CTNNA3: variants seen among roughly 807,000 people sequenced by gnomAD.
The protein encoded by CTNNA3 is catenin alpha-3.
A neutral mutation model predicts 95.7 loss-of-function variants in CTNNA3; 76 were observed. The ratio of observed to expected loss-of-function variants is 0.79; its 90% CI spans 0.66 to 0.96. CTNNA3 has a LOEUF of 0.96. Ranked by LOEUF, CTNNA3 falls within the 40% of genes least tolerant of loss-of-function variation. CTNNA3 has a pLI of 0.00. For synonymous variants in CTNNA3, 431 were observed against 374.4 expected (o/e 1.15, Z -1.74); for missense variants, 1,191 against 1,089.8 (o/e 1.09, Z -1.31).
intron 7 of CTNNA3, among the ~76,000 whole-genome samples, chr10:67,001,489 C>G (rs1490647470): frequency 6.6e-6 from 1 of 151,602 alleles, no homozygotes; most frequent in Admixed American, 6.6e-5. Context: ...ATGGGGGGCA[C>G]AGACAGGTGG....
At chr10:66,944,073 G>T (rs921763406) in intron 7 of CTNNA3, among the ~76,000 whole-genome samples, 4 of 152,070 alleles carry the variant, frequency 2.6e-5, no homozygotes, top group Admixed American at 6.6e-5. Flanking sequence ...TGCTGCATTG[G>T]TTGACTCTTT....
intron 14 of CTNNA3, among the ~76,000 whole-genome samples, chr10:66,088,151 C>G (rs1468852726): frequency 1.3e-5 from 2 of 151,716 alleles, no homozygotes; most frequent in East Asian, 3.9e-4. Context: ...GTATGGTAGG[C>G]TTCTTTTTCC....
chr10:66,926,538 A>G (rs1263931840), intron 7 of CTNNA3: 1 of 1,612,458 alleles, frequency 6.2e-7, no homozygotes, highest in African/African-American at 1.3e-5. Context: ...ACTGGCCCCT[A>G]AGCCAAAGCA....
chr10:67,385,599 T>C (rs1228084207), intron 5 of CTNNA3, among the ~76,000 whole-genome samples: 3 of 152,176 alleles, frequency 2.0e-5, no homozygotes, highest in Non-Finnish European at 2.9e-5. Context: ...TTAAAAACAC[T>C]AGTTTAAAGG....
At chr10:67,155,689 T>C (rs1861283450) in intron 7 of CTNNA3, among the ~76,000 whole-genome samples, 1 of 152,108 alleles carries the variant, frequency 6.6e-6, no homozygotes, top group Non-Finnish European at 1.5e-5. Context: ...TCTTTATCAG[T>C]ACTTTTTTTC....
In CTNNA3 at chr10:66,110,281, G is replaced by C. The variant is rs185558208; in HGVS notation, c.1885-7032C>G. 1.8e-4 allele frequency among the ~76,000 whole-genome samples: 27 copies of C among 150,020 alleles called. No homozygotes were observed. The East Asian group carries it at 5.4e-3, about 30-fold the overall frequency. ...GGAGGCTGAGGCAAGGGAATCATTT[G>C]AACCTGGGAGGTGGAGGTTGCAGTG... is the stretch of plus-strand genomic sequence containing the variant. On this transcript the variant is annotated intron_variant, in intron 13 of 17. Coordinates refer to ENST00000433211, the MANE Select transcript of CTNNA3 (RefSeq NM_013266.4).
chr10:66,170,752 G>A (rs2085379412), intron 13 of CTNNA3, among the ~76,000 whole-genome samples: 1 of 151,546 alleles, frequency 6.6e-6, no homozygotes. Context: ...AAGTTACTGG[G>A]TAAAAGTGAA....
At chr10:67,451,014 G>T (rs1367191813) in intron 5 of CTNNA3, among the ~76,000 whole-genome samples, 2 of 152,098 alleles carry the variant, frequency 1.3e-5, no homozygotes, top group African/African-American at 4.8e-5. Context: ...GTATTAAGAG[G>T]TAGGGCCTTT....
chr10:66,651,000 C>A (rs1004126930), intron 9 of CTNNA3, among the ~76,000 whole-genome samples: 8 of 152,136 alleles, frequency 5.3e-5, no homozygotes, highest in Non-Finnish European at 1.0e-4. Context: ...TTGATTGGCC[C>A]ATTTTACAGA....
intron 13 of CTNNA3, among the ~76,000 whole-genome samples, chr10:66,189,112 T>C (rs2086509018): frequency 6.6e-6 from 1 of 152,118 alleles, no homozygotes; most frequent in African/African-American, 2.4e-5. Context: ...TTCCCATATA[T>C]ATTGGATACT....
chr10:67,555,632 T>C (rs1317916002), intron 3 of CTNNA3, among the ~76,000 whole-genome samples: 1 of 152,230 alleles, frequency 6.6e-6, no homozygotes, highest in Non-Finnish European at 1.5e-5. Flanking sequence ...TGAAGTTGCT[T>C]ATCAGCTTAA....
chr10:66,231,847 GACAA>G (rs1220557285), intron 13 of CTNNA3, among the ~76,000 whole-genome samples: 2 of 152,102 alleles, frequency 1.3e-5, no homozygotes, highest in Admixed American at 6.6e-5. Flanking sequence ...ACAATTAGCT[GACAA>G]ACAAAGCCCC....
At chr10:66,187,363 T>C (rs2086400933) in intron 13 of CTNNA3, among the ~76,000 whole-genome samples, 1 of 150,640 alleles carries the variant, frequency 6.6e-6, no homozygotes, top group African/African-American at 2.4e-5. Flanking sequence ...AGGAATGAGT[T>C]ATTCATAGGT....
At chr10:66,962,418 GT>G (rs139452994) in intron 7 of CTNNA3, among the ~76,000 whole-genome samples, 6 of 144,256 alleles carry the variant, frequency 4.2e-5, no homozygotes, top group African/African-American at 7.7e-5. Context: ...TTTTGTTTTT[GT>G]TTTTTTTTTG....
Position 67,706,599 on chromosome 10 carries a change from T to C in CTNNA3, c.-2+56835A>G, listed in dbSNP as rs145941894. On this transcript the variant is annotated intron_variant, in intron 1 of 17. Coordinates refer to the CTNNA3 transcript ENST00000684154. ...CCTTGGGAGGACATCTGGTCAGTGCTGGGGGAAAGGGAGGGAGATTTAAAT... is the reference window on the plus strand; with the variant it reads ...CCTTGGGAGGACATCTGGTCAGTGCCGGGGGAAAGGGAGGGAGATTTAAAT... Among the ~76,000 whole-genome samples the C allele has an allele frequency of 1.8e-3, 269 of 152,188 alleles. 1 individual carries two copies. In the Middle Eastern group the frequency reaches 0.034, roughly 19 times the overall value.
At chr10:67,295,604 A>G (rs1414011400) in intron 5 of CTNNA3, among the ~76,000 whole-genome samples, 1 of 152,234 alleles carries the variant, frequency 6.6e-6, no homozygotes, top group East Asian at 1.9e-4. Context: ...CAATTCCTAA[A>G]GTGGCAGATT....
chr10:67,074,381 C>T (rs1416292055), intron 7 of CTNNA3, among the ~76,000 whole-genome samples: 7 of 117,238 alleles, frequency 6.0e-5, no homozygotes, highest in Non-Finnish European at 1.2e-4. Context: ...GACGGAGTCT[C>T]GCTCTGTCGC....
intron 3 of CTNNA3, among the ~76,000 whole-genome samples, chr10:67,552,428 C>T (rs565135917): frequency 2.0e-5 from 3 of 151,698 alleles, no homozygotes; most frequent in South Asian, 2.1e-4. Context: ...TGTACATCGA[C>T]GCCCTCTCAA....
At chr10:66,554,973 T>G (rs1174989551) in intron 10 of CTNNA3, among the ~76,000 whole-genome samples, 1 of 152,146 alleles carries the variant, frequency 6.6e-6, no homozygotes, top group Admixed American at 6.5e-5. Context: ...TGTTGGATAT[T>G]AGTTAAATAA....
Sources: gnomAD v4.1 joint callset for allele counts (sites outside exome capture counted in the v4.1 genomes callset) on GRCh38, gnomAD v4.1.1 for gene constraint, MANE v1.5 for transcripts, NCBI Gene and HGNC (gene_info 2026-07-23, HGNC 2026-07-21) for gene names.